Variants in TUBA1C observed in about 807,000 individuals in gnomAD.
TUBA1C encodes tubulin alpha 1c.
A neutral mutation model predicts 34.9 loss-of-function variants in TUBA1C; 16 were observed. The ratio of observed to expected loss-of-function variants is 0.46; its 90% CI spans 0.31 to 0.70. TUBA1C has a LOEUF of 0.70. Among genes scored for constraint, TUBA1C ranks in the 30% least tolerant of loss-of-function variants. TUBA1C has a pLI of 0.05. For missense variants in TUBA1C, 329 were observed against 587.3 expected, an observed-to-expected ratio of 0.56 and a Z score of 4.55; for synonymous variants, 177 against 215.9, an observed-to-expected ratio of 0.82 and a Z score of 1.58.
chr12:49,242,600 T>C (rs1942628754), intron 1 of TUBA1C, among the ~76,000 whole-genome samples: 1 of 152,092 alleles, frequency 6.6e-6, no homozygotes. Flanking sequence ...CCCGAGTAGC[T>C]GGGACTGAAG....
At chr12:49,250,509 G>A (rs1202918690) in intron 1 of TUBA1C, among the ~76,000 whole-genome samples, 2 of 144,650 alleles carry the variant, frequency 1.4e-5, no homozygotes, top group Non-Finnish European at 3.0e-5. Flanking sequence ...GGGTGACAGA[G>A]TGAGACTCCG....
intron 1 of TUBA1C, among the ~76,000 whole-genome samples, chr12:49,249,732 G>A (rs1272344991): frequency 6.6e-6 from 1 of 151,732 alleles, no homozygotes; most frequent in Non-Finnish European, 1.5e-5. Context: ...ATGGTGGCAC[G>A]TGCCTGTAGT....
intron 1 of TUBA1C, 45 bp from the exon 2 acceptor site, chr12:49,269,415 GTCCCA>G: frequency 1.9e-6 from 3 of 1,611,472 alleles, no homozygotes; most frequent in Non-Finnish European, 2.5e-6. Flanking sequence ...ATTCCTAAAT[GTCCCA>G]TCTGATGTAT....
intron 1 of TUBA1C, among the ~76,000 whole-genome samples, chr12:49,250,050 T>A (rs1021674355): frequency 1.3e-5 from 2 of 151,188 alleles, no homozygotes; most frequent in African/African-American, 4.9e-5. Flanking sequence ...ATACAAAAAT[T>A]AGCCAGGTGT....
intron 1 of TUBA1C, among the ~76,000 whole-genome samples, chr12:49,239,851 C>A (rs1236755567): frequency 2.6e-5 from 4 of 152,014 alleles, no homozygotes. Context: ...AGTAGAGAGT[C>A]TAGCATCTCT....
intron 1 of TUBA1C, among the ~76,000 whole-genome samples, chr12:49,269,056 G>GA (rs1314104369): frequency 6.6e-6 from 1 of 152,134 alleles, no homozygotes; most frequent in Non-Finnish European, 1.5e-5. Context: ...GTGGCCTGCT[G>GA]AAAGATGGTT....
At chr12:49,266,353 C>A (rs1219882777) in intron 1 of TUBA1C, among the ~76,000 whole-genome samples, 5 of 151,750 alleles carry the variant, frequency 3.3e-5, no homozygotes, top group African/African-American at 1.2e-4. Context: ...TGGCGTGAAC[C>A]CGGGAGGCGG....
intron 1 of TUBA1C, 50 bp downstream of exon 1, chr12:49,265,234 G>A: frequency 6.5e-7 from 1 of 1,531,502 alleles, no homozygotes; most frequent in South Asian, 1.2e-5. Context: ...CCCAGGGGAC[G>A]GCGGGCCCGG....
intron 1 of TUBA1C, among the ~76,000 whole-genome samples, chr12:49,234,581 G>A (rs1297699553): frequency 6.6e-6 from 1 of 152,208 alleles, no homozygotes; most frequent in Admixed American, 6.5e-5. Context: ...GGCGAGCCCC[G>A]AGCGCTCTGT....
intron 1 of TUBA1C, chr12:49,256,309 G>A (rs1942784024): frequency 1.1e-5 from 4 of 361,236 alleles, no homozygotes; most frequent in South Asian, 2.0e-5. Context: ...CAGTCATTTC[G>A]TGCAGAGTAA....
At chr12:49,239,850 T>A (rs935672172) in intron 1 of TUBA1C, among the ~76,000 whole-genome samples, 2 of 151,700 alleles carry the variant, frequency 1.3e-5, no homozygotes, top group Non-Finnish European at 1.5e-5. Context: ...AAGTAGAGAG[T>A]CTAGCATCTC....
At chr12:49,253,396 T>G (rs979814063) in intron 1 of TUBA1C, among the ~76,000 whole-genome samples, 29 of 152,130 alleles carry the variant, frequency 1.9e-4, no homozygotes, top group Admixed American at 2.6e-4. Context: ...AGTGCACACG[T>G]GGGCGTGTCA....
chr12:49,252,682 C>T lies in TUBA1C; in HGVS notation c.214-16783C>T, dbSNP rs74390722. On this transcript the variant is annotated intron_variant, in intron 1 of 3. Coordinates refer to the TUBA1C transcript ENST00000541364. ...ATCCCAGCACTTTGGGAGGCCGAGG[C>T]GGGTGGATCACGAGGTCAGGAGATC... 1.2e-4 allele frequency among the ~76,000 whole-genome samples: 19 copies of T among 152,230 alleles called. No individual in the cohort carries two copies. The East Asian group carries it at 3.3e-3, about 26-fold the overall frequency.
chr12:49,232,068 G>A (rs1942503825), intron 1 of TUBA1C, among the ~76,000 whole-genome samples: 1 of 152,192 alleles, frequency 6.6e-6, no homozygotes, highest in South Asian at 2.1e-4. Context: ...AGCTGATTGG[G>A]AGGAGCTGCC....
chr12:49,267,959 T>G (rs1452770741), intron 1 of TUBA1C, among the ~76,000 whole-genome samples: 2 of 152,248 alleles, frequency 1.3e-5, no homozygotes, highest in Non-Finnish European at 2.9e-5. Flanking sequence ...TAAGTCTGTG[T>G]GTACAGATTC....
At position 49,269,516 on chromosome 12, in the gene TUBA1C, G is replaced by A. The variant is rs755291498; in HGVS notation, c.55G>A (p.Ala19Thr). 1 of 1,614,248 alleles carries A rather than the reference G, an allele frequency of 6.2e-7. No homozygotes were observed. The highest frequency in any genetic ancestry group is 1.1e-5 in the South Asian group (1 of 91,088). ...VGQAGVQIGN[A>T]CWELYCLEHG... ...CCAGGCTGGTGTCCAGATTGGCAAT[G>A]CCTGCTGGGAGCTCTACTGCCTGGA... Residue 19 changes from alanine (A) to threonine (T), a missense_variant, in exon 2 of 4, where the codon GCC (alanine) becomes ACC (threonine). Physicochemically the swap from Ala to Thr is moderately conservative, Grantham distance 58. Around this residue, in one of 4 missense-constraint regions of TUBA1C, gnomAD observed 152 missense variants for 240.3 expected, o/e 0.63. Coordinates refer to ENST00000301072, the MANE Select transcript of TUBA1C (RefSeq NM_032704.5).
intron 1 of TUBA1C, among the ~76,000 whole-genome samples, chr12:49,230,503 A>G (rs1942485799): frequency 6.6e-6 from 1 of 152,092 alleles, no homozygotes; most frequent in Non-Finnish European, 1.5e-5. Flanking sequence ...CCAGACATTT[A>G]TTCCTTATAT....
At chr12:49,243,467 C>T (rs1942638316) in intron 1 of TUBA1C, among the ~76,000 whole-genome samples, 1 of 152,004 alleles carries the variant, frequency 6.6e-6, no homozygotes, top group Admixed American at 6.6e-5. Flanking sequence ...TCAGGTGCTA[C>T]CCTGTGAGTG....
At chr12:49,262,915 TTAAC>T (rs1314223233), upstream of TUBA1C, among the ~76,000 whole-genome samples, 2 of 152,140 alleles carry the variant, frequency 1.3e-5, no homozygotes, top group Non-Finnish European at 2.9e-5. Flanking sequence ...GGTTAAATGT[TTAAC>T]TGTCTACCCA....
Sources: gnomAD v4.1 joint callset for allele counts (sites outside exome capture counted in the v4.1 genomes callset) on GRCh38, gnomAD v4.1.1 for gene constraint, gnomAD v4.1.1 regional missense constraint, MANE v1.5 for transcripts, NCBI Gene and HGNC (gene_info 2026-07-23, HGNC 2026-07-21) for gene names.